The following ADAM32 variants were observed in gnomAD, a reference collection of about 807,000 sequenced individuals.
The protein encoded by ADAM32 is ADAM metallopeptidase domain 32, also known as disintegrin and metalloproteinase domain-containing protein 32.
A neutral mutation model predicts 114.9 loss-of-function variants in ADAM32; 89 were observed. That is an observed-to-expected ratio of 0.77 (90% CI 0.65 to 0.92). ADAM32 has a LOEUF of 0.92. ADAM32 is among the 40% of genes least tolerant of loss of function. The probability of loss-of-function intolerance (pLI) is 0.00; values close to 1 mark genes in which losing one functional copy is unlikely to be tolerated. For synonymous variants in ADAM32, 285 were observed against 307.5 expected (o/e 0.93, Z 0.77); for missense variants, 870 against 932.8 (o/e 0.93, Z 0.88).
chr8:39,202,452 T>A (rs575954783), intron 11 of ADAM32, among the ~76,000 whole-genome samples: 2 of 152,352 alleles, frequency 1.3e-5, no homozygotes, highest in Non-Finnish European at 2.9e-5. Context: ...TAGTTTGTAT[T>A]TCTGTGGGAT....
In ADAM32 at chr8:39,151,457, A is replaced by T; in HGVS notation, c.434A>T (p.Lys145Ile). 1.2e-6 allele frequency: 2 copies of T among 1,605,864 alleles called. No homozygotes were observed. Among genetic ancestry groups the T allele is most frequent in the Non-Finnish European group, 1.7e-6 (2 of 1,177,126 alleles). ...SAVEFQHVLYKLKNEDNDIAI... is the reference protein window; with the variant it reads ...SAVEFQHVLYILKNEDNDIAI... ...GTTGAATTTCAGCATGTTCTTTACAAATTAAAGAATGAAGACAATGATATT... is the reference window on the plus strand; with the variant it reads ...GTTGAATTTCAGCATGTTCTTTACATATTAAAGAATGAAGACAATGATATT... The change falls in exon 6 of 25, where the codon AAA (lysine) becomes ATA (isoleucine). Residue 145 changes from lysine to isoleucine, a missense_variant. Physicochemically the swap from Lys to Ile is moderately radical, Grantham distance 102. Transcript: ENST00000379907.
intron 11 of ADAM32, among the ~76,000 whole-genome samples, chr8:39,187,534 G>A (rs1200767738): frequency 6.6e-6 from 1 of 152,178 alleles, no homozygotes; most frequent in African/African-American, 2.4e-5. Flanking sequence ...GCCTCCCAAA[G>A]TGCTGGGATT....
At chr8:39,272,363 A>G (rs763678188) in intron 20 of ADAM32, among the ~76,000 whole-genome samples, 4 of 152,128 alleles carry the variant, frequency 2.6e-5, no homozygotes, top group Non-Finnish European at 5.9e-5. Flanking sequence ...GCTTAACACA[A>G]AGATACATTC....
At position 39,226,632 on chromosome 8, in the gene ADAM32, G is replaced by GA. The variant is rs1056779997; in HGVS notation, c.1525+3405dup. ...AGAGTGGAATGATATCGTGCTGAAA[G>GA]AAAAAAAAAAAGTCAATCAAGAATA... On this transcript the variant is annotated intron_variant, in intron 14 of 24. Coordinates refer to ENST00000379907, the MANE Select transcript of ADAM32 (RefSeq NM_145004.7). 5.9e-3 allele frequency among the ~76,000 whole-genome samples: 842 copies of GA among 143,818 alleles called. 9 individuals are homozygous for GA. Among genetic ancestry groups the GA allele is most frequent in the African/African-American group, 0.02 (779 of 39,546 alleles). 94.4% of individuals were successfully genotyped at this position (143,818 alleles called of 152,430 possible).
At chr8:39,187,162 G>T (rs761703156) in intron 11 of ADAM32, 117 bp downstream of exon 11, 298 of 813,052 alleles carry the variant, frequency 3.7e-4, no homozygotes, top group Non-Finnish European at 5.0e-4. Context: ...AATTCACCAA[G>T]TATAAACATG....
intron 3 of ADAM32, among the ~76,000 whole-genome samples, chr8:39,144,759 C>T (rs1038682010): frequency 6.6e-6 from 1 of 152,178 alleles, no homozygotes; most frequent in African/African-American, 2.4e-5. Flanking sequence ...ATTAGGATGC[C>T]TATTTTCCTT....
rs1554609637 is a variant in ADAM32, at chr8:39,185,356, A to AAAACAAAAAAC, written c.916-1546_916-1545insAAACAAACAAA. On this transcript the variant is annotated intron_variant, in intron 10 of 24. Coordinates refer to ENST00000379907, the MANE Select transcript of ADAM32 (RefSeq NM_145004.7). Reference sequence around the variant, plus strand: ...TCTCCAGTCTACAAAAAAAAAACAAAAAACAAACAAACAAACAAAAAAACA... The same window carrying AAAACAAAAAAC: ...TCTCCAGTCTACAAAAAAAAAACAAAAAACAAAAAACAAACAAACAAACAAACAAAAAAACA... Among the ~76,000 whole-genome samples the AAAACAAAAAAC allele has an allele frequency of 1.3e-3, 204 of 152,120 alleles. 1 individual carries two copies. Among genetic ancestry groups the AAAACAAAAAAC allele is most frequent in the African/African-American group, 4.3e-3 (177 of 41,498 alleles).
Position 39,195,240 on chromosome 8 carries a change from C to T in ADAM32, c.1052+8195C>T, listed in dbSNP as rs561517630. Among the ~76,000 whole-genome samples, 3 of 152,278 alleles carry T rather than the reference C, an allele frequency of 2.0e-5. No individual in the cohort carries two copies. In the East Asian group the frequency reaches 5.8e-4, roughly 29 times the overall value. On this transcript the variant is annotated intron_variant, in intron 11 of 24. Transcript: ENST00000379907. ...TGGCAGATGTTATTCCTGGCTGCGT[C>T]TAATTGGCCACCTTGCCACCTCTCC...
chr8:39,125,939 G>A (rs1484796687), intron 2 of ADAM32, among the ~76,000 whole-genome samples: 1 of 152,066 alleles, frequency 6.6e-6, no homozygotes, highest in Non-Finnish European at 1.5e-5. Context: ...CATTGCTTGT[G>A]TTTGTCAGGT....
At chr8:39,262,282 C>T (rs1430039301) in intron 19 of ADAM32, among the ~76,000 whole-genome samples, 2 of 151,870 alleles carry the variant, frequency 1.3e-5, no homozygotes, top group Non-Finnish European at 2.9e-5. Flanking sequence ...CAGTTTTCCC[C>T]AGGGCTATTT....
rs1306387120 is a variant in ADAM32 at position 39,151,492 on chromosome 8, A to G, written c.469A>G (p.Ile157Val). The G allele has an allele frequency of 9.4e-6, 15 of 1,600,834 alleles. No individual in the cohort carries two copies. The highest frequency in any genetic ancestry group is 1.3e-5 in the Non-Finnish European group (15 of 1,175,932). Residue 157 changes from isoleucine to valine, a missense_variant, in exon 6 of 25, where the codon ATT (isoleucine) becomes GTT (valine). Ile to Val is a conservative substitution (Grantham distance 29, BLOSUM62 3). Coordinates refer to ENST00000379907, the MANE Select transcript of ADAM32 (RefSeq NM_145004.7). The stretch of plus-strand genomic sequence containing the variant: ...TGAAGACAATGATATTGCAATTTTT[A>G]TTGACAGAAGCCTGAAAGAACAACC... Reference protein sequence around the residue: ...KNEDNDIAIFIDRSLKEQPMD... With the variant: ...KNEDNDIAIFVDRSLKEQPMD...
At chr8:39,187,101 G>A in intron 11 of ADAM32, 56 bp downstream of exon 11, 2 of 1,489,868 alleles carry the variant, frequency 1.3e-6, no homozygotes, top group South Asian at 2.7e-5. Context: ...AATATTCAGA[G>A]TGTGAAAATT....
At chr8:39,197,223 C>A (rs1398441629) in intron 11 of ADAM32, among the ~76,000 whole-genome samples, 3 of 151,886 alleles carry the variant, frequency 2.0e-5, no homozygotes, top group South Asian at 4.1e-4. Flanking sequence ...GGTCTTTACT[C>A]ATTTTTTCTT....
At chr8:39,204,812 A>T (rs932663969) in intron 11 of ADAM32, among the ~76,000 whole-genome samples, 1 of 151,910 alleles carries the variant, frequency 6.6e-6, no homozygotes, top group Non-Finnish European at 1.5e-5. Context: ...TTTTGGTGTG[A>T]ATGTGCTTTC....
intron 17 of ADAM32, among the ~76,000 whole-genome samples, chr8:39,247,987 A>T (rs539442676): frequency 2.0e-5 from 3 of 151,938 alleles, no homozygotes; most frequent in African/African-American, 7.2e-5. Flanking sequence ...TTTGTCAGAG[A>T]TCAGTTGACT....
intron 19 of ADAM32, among the ~76,000 whole-genome samples, chr8:39,270,119 G>T (rs1421662722): frequency 1.3e-5 from 2 of 152,136 alleles, no homozygotes; most frequent in African/African-American, 4.8e-5. Context: ...GGATTATGGG[G>T]ATTACAATTT....
chr8:39,209,050 T>C (rs931859833), intron 11 of ADAM32, among the ~76,000 whole-genome samples: 1 of 152,186 alleles, frequency 6.6e-6, no homozygotes, highest in African/African-American at 2.4e-5. Flanking sequence ...ATCCAATAAC[T>C]GTTCTTTGTT....
At chr8:39,193,328 A>G (rs1806726563) in intron 11 of ADAM32, among the ~76,000 whole-genome samples, 1 of 151,988 alleles carries the variant, frequency 6.6e-6, no homozygotes, top group South Asian at 2.1e-4. Flanking sequence ...AAATTTTTAT[A>G]CTGTGTTTGT....
intron 10 of ADAM32, among the ~76,000 whole-genome samples, chr8:39,171,619 A>C (rs1805204783): frequency 6.6e-6 from 1 of 151,990 alleles, no homozygotes. Context: ...AAAACTGTCT[A>C]CCTCTTCATT....
Sources: gnomAD v4.1 joint callset for allele counts (sites outside exome capture counted in the v4.1 genomes callset) on GRCh38, gnomAD v4.1.1 for gene constraint, MANE v1.5 for transcripts, NCBI Gene and HGNC (gene_info 2026-07-23, HGNC 2026-07-21) for gene names.